KLF17: variants seen among roughly 807,000 people sequenced by gnomAD.
KLF17 encodes KLF transcription factor 17.
A neutral mutation model predicts 34.2 loss-of-function variants in KLF17; 31 were observed. The observed-to-expected ratio is 0.91, with a 90% CI of 0.68 to 1.22. KLF17 has a LOEUF of 1.22. KLF17 is among the 50% of genes most tolerant of loss of function. The pLI, the probability that KLF17 is intolerant of heterozygous loss-of-function variation, is 0.00. For synonymous variants in KLF17, 179 were observed against 186.7 expected, an observed-to-expected ratio of 0.96 and a Z score of 0.34; for missense variants, 478 against 505.2, an observed-to-expected ratio of 0.95 and a Z score of 0.52.
At chr1:44,111,122 G>A in the KLF17 span, among the ~76,000 whole-genome samples, 2 of 151,046 alleles carry the variant, frequency 1.3e-5, no homozygotes, top group Admixed American at 1.3e-4. Context: ...TAACAGCTGG[G>A]ACCACAGTGC....
the KLF17 span, among the ~76,000 whole-genome samples, chr1:44,099,107 A>G: frequency 6.6e-6 from 1 of 152,162 alleles, no homozygotes; most frequent in Admixed American, 6.5e-5. Context: ...GAGAAAGAGA[A>G]AACAAGAAAA....
the KLF17 span, among the ~76,000 whole-genome samples, chr1:44,050,318 A>C: frequency 6.6e-6 from 1 of 152,222 alleles, no homozygotes; most frequent in Non-Finnish European, 1.5e-5. Context: ...AGACTAGCTG[A>C]AAGGGGAAGA....
the KLF17 span, among the ~76,000 whole-genome samples, chr1:44,073,642 AGAG>A: frequency 3.3e-5 from 5 of 152,046 alleles, no homozygotes; most frequent in African/African-American, 1.2e-4. Context: ...TTTTGTTGAG[AGAG>A]GAGGAGATCC....
At chr1:44,054,672 G>A in the KLF17 span, among the ~76,000 whole-genome samples, 5 of 151,042 alleles carry the variant, frequency 3.3e-5, no homozygotes, top group African/African-American at 1.2e-4. Flanking sequence ...TAATAGAGAC[G>A]GGGTTTCACC....
the KLF17 span, among the ~76,000 whole-genome samples, chr1:44,071,218 C>T: frequency 6.6e-6 from 1 of 152,192 alleles, no homozygotes; most frequent in South Asian, 2.1e-4. Context: ...TTCTTACTCC[C>T]CTCCTTTCCT....
At chr1:44,078,429 T>C in the KLF17 span, among the ~76,000 whole-genome samples, 207 of 131,588 alleles carry the variant, frequency 1.6e-3, no homozygotes, top group Non-Finnish European at 1.3e-3. Context: ...CTGGGGCTTT[T>C]CCTTCTTCTT....
chr1:44,130,284 G>GA, intron 2 of KLF17, 88 bp downstream of exon 2: 1 of 1,523,558 alleles, frequency 6.6e-7, no homozygotes, highest in South Asian at 1.3e-5. Context: ...TGTTTGGGAT[G>GA]AGCCTTTCAT....
chr1:44,125,616 C>T (rs1446906329), intron 1 of KLF17, among the ~76,000 whole-genome samples: 1 of 151,984 alleles, frequency 6.6e-6, no homozygotes, highest in Non-Finnish European at 1.5e-5. Context: ...TACAGGTGCC[C>T]GCCACCACAC....
chr1:44,130,336 C>A, intron 2 of KLF17, 140 bp downstream of exon 2: 2 of 1,419,012 alleles, frequency 1.4e-6, no homozygotes, highest in Non-Finnish European at 9.6e-7. Context: ...CCCCGACTTG[C>A]CATACAGGAG....
At chr1:44,116,974 C>A (rs2087884878), upstream of KLF17, 1 of 152,132 alleles carries the variant, frequency 6.6e-6, no homozygotes, top group Admixed American at 6.6e-5. Flanking sequence ...TTCCATATAC[C>A]AAGTGGCACG....
Position 44,130,194 on chromosome 1 carries a change from C to A in KLF17, c.923C>A (p.Thr308Lys). ...SHLVSHQRKH[T>K]GERPYSCNWE... Reference sequence around the variant, plus strand: ...CTCGTGAGCCACCAGCGCAAGCACACAGGTGAAGGAGGTGTCAGGTGGGGT... The same window carrying A: ...CTCGTGAGCCACCAGCGCAAGCACAAAGGTGAAGGAGGTGTCAGGTGGGGT... Residue 308 changes from threonine to lysine, a missense_variant and splice_region_variant, in exon 2 of 4, where the codon ACA becomes AAA. Coordinates refer to ENST00000372299, the MANE Select transcript of KLF17 (RefSeq NM_173484.4). The A allele has an allele frequency of 1.2e-6, 2 of 1,608,606 alleles. No homozygotes were observed. The highest frequency in any genetic ancestry group is 1.7e-6 in the Non-Finnish European group (2 of 1,177,052).
the KLF17 span, among the ~76,000 whole-genome samples, chr1:44,063,779 T>C: frequency 6.6e-6 from 1 of 152,222 alleles, no homozygotes; most frequent in African/African-American, 2.4e-5. Flanking sequence ...GTAAGGGCCA[T>C]ACCTATAGTT....
chr1:44,095,541 A>C, the KLF17 span, among the ~76,000 whole-genome samples: 2 of 151,990 alleles, frequency 1.3e-5, no homozygotes, highest in African/African-American at 2.4e-5. Flanking sequence ...TAATCCCTCA[A>C]ATATTCTTCT....
chr1:44,088,586 T>G, the KLF17 span: 2 of 152,306 alleles, frequency 1.3e-5, no homozygotes, highest in South Asian at 4.1e-4. Context: ...CTTCGTGTTC[T>G]TATAGGGACA....
the KLF17 span, among the ~76,000 whole-genome samples, chr1:44,081,714 C>T: frequency 3.9e-5 from 6 of 152,132 alleles, no homozygotes; most frequent in African/African-American, 1.4e-4. Flanking sequence ...AGCCACTGCA[C>T]TTGGCCTCCC....
At chr1:44,118,820 C>T, upstream of KLF17, 1 of 932,916 alleles carries the variant, frequency 1.1e-6, no homozygotes, top group Non-Finnish European at 1.6e-6. Context: ...GTGATTGTGG[C>T]GTGGCGATGT....
chr1:44,090,306 CAAAAAA>C, the KLF17 span, among the ~76,000 whole-genome samples: 124 of 23,324 alleles, frequency 5.3e-3, no homozygotes, highest in African/African-American at 0.021. Context: ...CTTGTCTCTA[CAAAAAA>C]AAAAAAAAAA....
the KLF17 span, among the ~76,000 whole-genome samples, chr1:44,080,817 C>G: frequency 7.0e-6 from 1 of 142,234 alleles, no homozygotes; most frequent in Non-Finnish European, 1.5e-5. Context: ...TAGGCTCAAA[C>G]AATCCTCCTG....
chr1:44,078,437 CTT>C, the KLF17 span, among the ~76,000 whole-genome samples: 31 of 69,822 alleles, frequency 4.4e-4, no homozygotes, highest in Non-Finnish European at 3.9e-4. Flanking sequence ...TTTCCTTCTT[CTT>C]TTTTTTTTTT....
Sources: gnomAD v4.1 joint callset for allele counts (sites outside exome capture counted in the v4.1 genomes callset) on GRCh38, gnomAD v4.1.1 for gene constraint, MANE v1.5 for transcripts, NCBI Gene and HGNC (gene_info 2026-07-23, HGNC 2026-07-21) for gene names.